ZNF888: variants seen among roughly 807,000 people sequenced by gnomAD.
ZNF888 encodes zinc finger protein 888.
A neutral mutation model predicts 7.2 loss-of-function variants in ZNF888; 5 were observed. That is an observed-to-expected ratio of 0.70 (90% confidence interval 0.36 to 1.46). The LOEUF is 1.46. Among genes scored for constraint, ZNF888 ranks in the 40% most tolerant of loss-of-function variants. The probability of loss-of-function intolerance (pLI) is 0.03; values close to 1 mark genes in which losing one functional copy is unlikely to be tolerated. For missense variants in ZNF888, 716 were observed against 858.0 expected, an observed-to-expected ratio of 0.83 and a Z score of 2.07; for synonymous variants, 240 against 284.3, an observed-to-expected ratio of 0.84 and a Z score of 1.57.
intron 2 of ZNF888, chr19:52,918,249 G>A (rs1251396613): frequency 5.1e-6 from 5 of 974,464 alleles, no homozygotes; most frequent in Middle Eastern, 5.2e-4. Context: ...CAGCACTCTC[G>A]GAGACCAAGG....
chr19:52,919,775 T>A lies in ZNF888; in HGVS notation c.-177-838A>T, dbSNP rs1462878533. The stretch of plus-strand genomic sequence containing the variant: ...GGGGAGCACCTCTGCCCCGCCGCCC[T>A]GTCTGGGATGTGAGGAGCGCCTCTG... On this transcript the variant is annotated intron_variant, in intron 1 of 4. Coordinates refer to ENST00000638862, the MANE Select transcript of ZNF888 (RefSeq NM_001393938.1). Among the ~76,000 whole-genome samples, 2 of 55,436 alleles carry A rather than the reference T, an allele frequency of 3.6e-5. 1 individual carries two copies. Among genetic ancestry groups the A allele is most frequent in the Non-Finnish European group, 8.3e-5 (2 of 24,202 alleles). The allele number at this position is 55,436 out of a possible 152,430, so 36.4% of individuals were successfully genotyped here. A position where few individuals can be genotyped will look rare whatever the true frequency, so the allele number is the denominator to read the frequency against.
At position 52,918,945 on chromosome 19, in the gene ZNF888, A is replaced by G. The variant is rs1386599401; in HGVS notation, c.-177-8T>C. The G allele has an allele frequency of 3.4e-5, 4 of 116,084 alleles. No homozygotes were observed. The highest frequency in any genetic ancestry group is 6.7e-4 in the East Asian group (2 of 2,990). The allele number at this position is 116,084 out of a possible 1,614,324, so 7.2% of individuals were successfully genotyped here. ...GGAGGACAGAGTGAGACTCTGTTTG[A>G]AAAAAAAAAAAAATCTCCCTCTCCC... is the stretch of plus-strand genomic sequence containing the variant. On this transcript the variant is annotated splice_polypyrimidine_tract_variant and splice_region_variant and intron_variant, in intron 1 of 4. Transcript: ENST00000638862.
intron 4 of ZNF888, chr19:52,914,302 T>C: frequency 2.0e-6 from 2 of 977,030 alleles, no homozygotes; most frequent in Non-Finnish European, 2.4e-6. Flanking sequence ...CGTTTACACC[T>C]GTAATATATT....
At chr19:52,911,039 C>G (rs759378189) in intron 4 of ZNF888, among the ~76,000 whole-genome samples, 2 of 152,126 alleles carry the variant, frequency 1.3e-5, no homozygotes, top group African/African-American at 2.4e-5. Context: ...GCACCATGAA[C>G]AGCTAATTTT....
chr19:52,918,326 T>A (rs1409689231), intron 2 of ZNF888: 6 of 364,226 alleles, frequency 1.6e-5, no homozygotes, highest in African/African-American at 1.3e-4. Flanking sequence ...TCCTTCTCTA[T>A]CAAAAATACA....
chr19:52,923,256 T>G (rs911186222), intron 1 of ZNF888, 113 bp downstream of exon 1: 1 of 976,712 alleles, frequency 1.0e-6, no homozygotes, highest in South Asian at 4.7e-5. Context: ...CATTTGCTCT[T>G]GTTGAAGGAA....
intron 1 of ZNF888, among the ~76,000 whole-genome samples, chr19:52,919,953 CT>C (rs1568749932): frequency 3.3e-5 from 2 of 59,962 alleles, no homozygotes; most frequent in African/African-American, 1.3e-4. Flanking sequence ...TGAGGAGCCC[CT>C]CTGCCCGGCC....
intron 1 of ZNF888, among the ~76,000 whole-genome samples, chr19:52,920,072 G>A (rs2064806855): frequency 1.9e-5 from 1 of 51,702 alleles, no homozygotes; most frequent in Non-Finnish European, 4.4e-5. Flanking sequence ...AGGTTGGGGG[G>A]TCAGCCCCCC....
intron 4 of ZNF888, among the ~76,000 whole-genome samples, chr19:52,910,656 G>T (rs1240319747): frequency 6.6e-6 from 1 of 152,070 alleles, no homozygotes; most frequent in Non-Finnish European, 1.5e-5. Context: ...TTTCCACCAT[G>T]TTAGGACATG....
intron 2 of ZNF888, chr19:52,918,151 G>A: frequency 1.0e-6 from 1 of 985,330 alleles, no homozygotes; most frequent in Non-Finnish European, 1.2e-6. Flanking sequence ...AGGGATCTGG[G>A]CTGGAATGAG....
Position 52,921,401 on chromosome 19 carries a change from G to A in ZNF888, c.-178+1968C>T, listed in dbSNP as rs1434593535. 2.6e-5 allele frequency among the ~76,000 whole-genome samples: 4 copies of A among 152,306 alleles called. No individual in the cohort carries two copies. In the East Asian group the frequency reaches 7.7e-4, roughly 29 times the overall value. On this transcript the variant is annotated intron_variant, in intron 1 of 4. Coordinates refer to ENST00000638862, the MANE Select transcript of ZNF888 (RefSeq NM_001393938.1). ...TAGATTTAGCTGTGATGTCCTCACA[G>A]TGAAAACATTTTCACCGAGTTACCC...
At position 52,905,238 on chromosome 19, in the gene ZNF888, A is replaced by G. The variant is rs960695960; in HGVS notation, c.*927T>C. On this transcript the variant is annotated 3_prime_UTR_variant, in exon 5 of 5. Coordinates refer to ENST00000638862, the MANE Select transcript of ZNF888 (RefSeq NM_001393938.1). ...GCTGGTCCCTGCCTTAACTGATGAC[A>G]TTACCTTGTGAAATTCCTTCTCCTG... 2.6e-5 allele frequency: 4 copies of G among 152,448 alleles called. No homozygotes were observed. The highest frequency in any genetic ancestry group is 5.9e-5 in the Non-Finnish European group (4 of 68,376). 9.4% of individuals were successfully genotyped at this position (152,448 alleles called of 1,614,324 possible). A position where few individuals can be genotyped will look rare whatever the true frequency, so the allele number is the denominator to read the frequency against.
chr19:52,909,252 AT>A (rs34194002), intron 4 of ZNF888, among the ~76,000 whole-genome samples: 179 of 144,184 alleles, frequency 1.2e-3, no homozygotes, highest in Middle Eastern at 3.7e-3. Context: ...AAATTTTTGT[AT>A]TTTTTTTTTT....
chr19:52,911,720 G>T (rs555359855), intron 4 of ZNF888, among the ~76,000 whole-genome samples: 1 of 152,336 alleles, frequency 6.6e-6, no homozygotes, highest in Admixed American at 6.5e-5. Flanking sequence ...ACCGAAGGCT[G>T]ACAAATCTTA....
At position 52,912,386 on chromosome 19, in the gene ZNF888, T is replaced by A. The variant is rs1282991375; in HGVS notation, c.142+2810A>T. ...CCTCGGCCTCCCAAAGTGCTGGGAT[T>A]ACAGGCATGAGCCACCGTGCCTGGC... On this transcript the variant is annotated intron_variant, in intron 4 of 4. Transcript: ENST00000638862. 4.0e-5 allele frequency among the ~76,000 whole-genome samples: 6 copies of A among 150,650 alleles called. No homozygotes were observed. The East Asian group carries it at 1.2e-3, about 31-fold the overall frequency.
At chr19:52,914,498 G>T (rs747927958) in intron 4 of ZNF888, 1 of 245,426 alleles carries the variant, frequency 4.1e-6, no homozygotes, top group Non-Finnish European at 6.5e-6. Context: ...ATTGCAGATA[G>T]ATCTAGGAAA....
chr19:52,915,949 CAG>C (rs1336201310), intron 3 of ZNF888, among the ~76,000 whole-genome samples: 1 of 152,292 alleles, frequency 6.6e-6, no homozygotes, highest in Non-Finnish European at 1.5e-5. Context: ...CTCGAAGAGA[CAG>C]AGCATGAGTG....
rs541640726 is a variant in ZNF888, at chr19:52,907,749, A to G, written c.573T>C (p.Tyr191=). 4.6e-4 allele frequency: 739 copies of G among 1,613,948 alleles called. 4 individuals carry two copies. In the African/African-American group the frequency reaches 8.8e-3, roughly 19 times the overall value. ...CRPKTHISNN[Y]GNNFFHSSLL... ...ATGAAGAATGGAAGAAATTATTCCC[A>G]TAGTTATTAGAAATATGGGTTTTGG... The change falls in exon 5 of 5, where the codon TAT becomes TAC. Residue 191 remains tyrosine (Y), a synonymous_variant. Coordinates refer to ENST00000638862, the MANE Select transcript of ZNF888 (RefSeq NM_001393938.1).
chr19:52,911,211 C>T (rs1353956890), intron 4 of ZNF888, among the ~76,000 whole-genome samples: 1 of 152,082 alleles, frequency 6.6e-6, no homozygotes, highest in South Asian at 2.1e-4. Flanking sequence ...TGAGGTTTCA[C>T]CATGTTGTAC....
Sources: gnomAD v4.1 joint callset for allele counts (sites outside exome capture counted in the v4.1 genomes callset) on GRCh38, gnomAD v4.1.1 for gene constraint, MANE v1.5 for transcripts, NCBI Gene and HGNC (gene_info 2026-07-23, HGNC 2026-07-21) for gene names.